Variants in ATM observed in about 807,000 individuals in gnomAD.
ATM encodes the protein ATM serine/threonine kinase.
In ATM, 308 loss-of-function variants were observed where a neutral mutation model predicts 387.0. The observed-to-expected ratio is 0.80, with a 90% CI of 0.73 to 0.87. ATM has a LOEUF of 0.87. Ranked by LOEUF, ATM falls within the 40% of genes least tolerant of loss-of-function variation. The probability of loss-of-function intolerance (pLI) is 0.00; values close to 1 mark genes in which losing one functional copy is unlikely to be tolerated. For synonymous variants in ATM, 1,156 were observed against 1,187.3 expected (o/e 0.97, Z 0.54); for missense variants, 3,312 against 3,560.9 (o/e 0.93, Z 1.78).
At chr11:108,267,118 A>G (rs2135503932) in intron 16 of ATM, 53 bp from the exon 17 acceptor site, 2 of 1,579,356 alleles carry the variant, frequency 1.3e-6, no homozygotes, top group Non-Finnish European at 1.7e-6. Flanking sequence ...TTTTGACTAC[A>G]GCATGCTCCT....
chr11:108,368,302 A>C lies in ATM; in HGVS notation c.*2794A>C. ...AGACTCTGCCTCAAAAAAAAAAAAA[A>C]AAAGGTTTTGGCAAGCTGGAACTCT... is the stretch of plus-strand genomic sequence containing the variant. On this transcript the variant is annotated 3_prime_UTR_variant, in exon 63 of 63. Coordinates refer to ENST00000675843, the MANE Select transcript of ATM (RefSeq NM_000051.4). 1 of 213,224 alleles carries C rather than the reference A, an allele frequency of 4.7e-6. No homozygotes were observed. Among genetic ancestry groups the C allele is most frequent in the East Asian group, 7.0e-5 (1 of 14,286 alleles). The allele number at this position is 213,224 out of a possible 1,614,324, so 13.2% of individuals were successfully genotyped here.
At chr11:108,335,583 G>T (rs1245175875) in intron 55 of ATM, among the ~76,000 whole-genome samples, 1 of 152,190 alleles carries the variant, frequency 6.6e-6, no homozygotes, top group Non-Finnish European at 1.5e-5. Flanking sequence ...TTTTACTCAG[G>T]TGTTTGCAGT....
intron 37 of ATM, among the ~76,000 whole-genome samples, chr11:108,306,359 T>A (rs765934819): frequency 3.9e-5 from 6 of 152,198 alleles, no homozygotes; most frequent in Non-Finnish European, 7.3e-5. Context: ...CTTTGTAAAC[T>A]ATCTAAAATG....
intron 40 of ATM, among the ~76,000 whole-genome samples, chr11:108,313,476 G>T (rs1352427207): frequency 6.6e-6 from 1 of 152,036 alleles, no homozygotes; most frequent in Non-Finnish European, 1.5e-5. Context: ...ACTTCATGTT[G>T]CTAAGTCTGG....
chr11:108,284,121 G>T (rs2082364738), intron 25 of ATM, 106 bp from the exon 26 acceptor site: 1 of 815,344 alleles, frequency 1.2e-6, no homozygotes, highest in Non-Finnish European at 1.9e-6. Context: ...GATAAAGTAT[G>T]ATACTTTAAT....
In ATM at chr11:108,287,685, G is replaced by T. The variant is rs764564211; in HGVS notation, c.4079G>T (p.Ser1360Ile). The change falls in exon 27 of 63, where the codon AGT (serine) becomes ATT (isoleucine). Residue 1360 changes from serine to isoleucine, a missense_variant. Physicochemically the swap from Ser to Ile is moderately radical, Grantham distance 142. Coordinates refer to ENST00000675843, the MANE Select transcript of ATM (RefSeq NM_000051.4). ...CATGAGCCAGCAAATTCTAGTGCCA[G>T]TCAGAGCACTGACCTCTGTGACTTT... ...TLHEPANSSA[S>I]QSTDLCDFSG... 1 of 1,613,510 alleles carries T rather than the reference G, an allele frequency of 6.2e-7. No individual in the cohort carries two copies. The highest frequency in any genetic ancestry group is 1.7e-5 in the Admixed American group (1 of 60,014).
intron 54 of ATM, 84 bp downstream of exon 54, chr11:108,334,052 G>T (rs2086574006): frequency 1.9e-5 from 21 of 1,081,734 alleles, no homozygotes; most frequent in Non-Finnish European, 2.9e-5. Context: ...TTTTATGTAG[G>T]TCAAAATTGG....
chr11:108,240,493 A>G (rs1000055863), intron 5 of ATM, among the ~76,000 whole-genome samples: 1 of 152,200 alleles, frequency 6.6e-6, no homozygotes, highest in Non-Finnish European at 1.5e-5. Flanking sequence ...TATTTATACA[A>G]ACTTAGATGG....
chr11:108,268,565 G>T lies in ATM; in HGVS notation c.2794G>T (p.Asp932Tyr). The change falls in exon 18 of 63, where the codon GAT becomes TAT. Residue 932 changes from aspartate to tyrosine, a missense_variant. Physicochemically the swap from Asp to Tyr is radical, Grantham distance 160. This residue lies in a region of ATM where 1,791 missense variants were observed against 1,804.5 expected (regional missense o/e 0.99). Coordinates refer to ENST00000675843, the MANE Select transcript of ATM (RefSeq NM_000051.4). ...DIRRKLLMLI[D>Y]SSTLEPTKSL... ...TCGGAGGAAATTGTTAATGTTAATT[G>T]ATTCTAGCACGCTAGAACCTACCAA... 1 of 1,614,014 alleles carries T rather than the reference G, an allele frequency of 6.2e-7. No individual in the cohort carries two copies. The highest frequency in any genetic ancestry group is 8.5e-7 in the Non-Finnish European group (1 of 1,179,982).
chr11:108,224,593 T>G (rs2078649458), intron 1 of ATM: 1 of 152,242 alleles, frequency 6.6e-6, no homozygotes, highest in South Asian at 2.1e-4. Context: ...TTCTTTAACA[T>G]TGTAGAACCC....
Position 108,226,496 on chromosome 11 carries a change from C to T in ATM, c.-30-1099C>T, listed in dbSNP as rs190241831. 4 of 152,228 alleles carry T rather than the reference C, an allele frequency of 2.6e-5. No homozygotes were observed. The East Asian group carries it at 7.7e-4, about 29-fold the overall frequency. The allele number at this position is 152,228 out of a possible 1,614,324, so 9.4% of individuals were successfully genotyped here. ...GATCCTTGATATTTGCAAAGGATAC[C>T]ACCATAGCATAGAATTTGCTTCATT... On this transcript the variant is annotated intron_variant, in intron 1 of 62. Coordinates refer to ENST00000675843, the MANE Select transcript of ATM (RefSeq NM_000051.4).
chr11:108,228,881 A>T lies in ATM; in HGVS notation c.186-297A>T, dbSNP rs1413655179. On this transcript the variant is annotated intron_variant, in intron 3 of 62. Transcript: ENST00000675843. Reference sequence around the variant, plus strand: ...GAATAACAGAAGGAGTTGAGAGAGGATTGAGAGGGTCCTTACTAGCATTGT... The same window carrying T: ...GAATAACAGAAGGAGTTGAGAGAGGTTTGAGAGGGTCCTTACTAGCATTGT... Among the ~76,000 whole-genome samples, 4 of 152,312 alleles carry T rather than the reference A, an allele frequency of 2.6e-5. No individual in the cohort carries two copies. The East Asian group carries it at 7.7e-4, about 29-fold the overall frequency.
chr11:108,343,170 A>G (rs2087795654), intron 56 of ATM, 52 bp from the exon 57 acceptor site: 1 of 1,608,142 alleles, frequency 6.2e-7, no homozygotes. Flanking sequence ...TGATCATCAA[A>G]TGCTCTTTAA....
chr11:108,361,480 G>A (rs1277112233), intron 61 of ATM, among the ~76,000 whole-genome samples: 2 of 151,842 alleles, frequency 1.3e-5, no homozygotes, highest in Admixed American at 1.3e-4. Flanking sequence ...AAAAGAGCCC[G>A]CATCGGCAAG....
rs146167034 is a variant in ATM, at chr11:108,327,707, A to T, written c.7038A>T (p.Ala2346=). The T allele has an allele frequency of 7.4e-6, 12 of 1,613,980 alleles. No homozygotes were observed. Among genetic ancestry groups the T allele is most frequent in the African/African-American group, 1.3e-5 (1 of 74,928 alleles). ...TGAGGGTTTGTGGCAACTGGTTAGC[A>T]GAAACGTGCTTAGAAAATCCTGCGG... ...ECLRVCGNWL[A]ETCLENPAVI... is the part of the protein sequence containing the mutation. The change falls in exon 48 of 63, where the codon GCA becomes GCT. Residue 2346 remains alanine (A), a synonymous_variant. Transcript: ENST00000675843.
intron 49 of ATM, 46 bp downstream of exon 49, chr11:108,329,284 T>A (rs755319376): frequency 2.7e-6 from 4 of 1,507,514 alleles, no homozygotes; most frequent in Non-Finnish European, 3.7e-6. Context: ...ACCAGTTAAC[T>A]GAGTGAGTGT....
chr11:108,254,936 A>G (rs1006310268), intron 13 of ATM, among the ~76,000 whole-genome samples: 7 of 152,200 alleles, frequency 4.6e-5, no homozygotes, highest in Non-Finnish European at 7.3e-5. Context: ...GGCGTGAGCC[A>G]CGGTGCCTGG....
At chr11:108,292,576 A>T (rs1190498596) in intron 29 of ATM, 43 bp from the exon 30 acceptor site, 1 of 1,597,906 alleles carries the variant, frequency 6.3e-7, no homozygotes, top group Non-Finnish European at 8.6e-7. Context: ...GTAATTTTCC[A>T]GAACTTACTG....
In ATM at chr11:108,289,603, ATTCCT is replaced by A; in HGVS notation, c.4239_4243del (p.Asp1413GlufsTer10). The A allele has an allele frequency of 6.2e-7, 1 of 1,603,616 alleles. No homozygotes were observed. Among genetic ancestry groups the A allele is most frequent in the Non-Finnish European group, 8.5e-7 (1 of 1,175,178 alleles). ...TTACTAAATCTGTTTATTTTCTAGGATTCCTATCAGAAAATTCTTCTTGCCATATG... is the reference window on the plus strand; with the variant it reads ...TTACTAAATCTGTTTATTTTCTAGGAATCAGAAAATTCTTCTTGCCATATG... On this transcript the variant is annotated frameshift_variant and splice_region_variant, in exon 29 of 63. Transcript: ENST00000675843. LOFTEE classifies it high-confidence loss of function.
Sources: gnomAD v4.1 joint callset for allele counts (sites outside exome capture counted in the v4.1 genomes callset) on GRCh38, gnomAD v4.1.1 for gene constraint, gnomAD v4.1.1 regional missense constraint, MANE v1.5 for transcripts, NCBI Gene and HGNC (gene_info 2026-07-23, HGNC 2026-07-21) for gene names.